Variants in MAP3K6 observed in about 807,000 individuals in gnomAD.
MAP3K6 encodes the protein mitogen-activated protein kinase kinase kinase 6.
Under a neutral mutation model 147.1 loss-of-function variants are expected in MAP3K6, and 105 were observed. The observed-to-expected ratio is 0.71, with a 90% CI of 0.61 to 0.84. The LOEUF is 0.84. Ranked by LOEUF, MAP3K6 falls within the 40% of genes least tolerant of loss-of-function variation. The probability of loss-of-function intolerance (pLI) is 0.00; values close to 1 mark genes in which losing one functional copy is unlikely to be tolerated. For missense variants in MAP3K6, 1,569 were observed against 1,715.0 expected, an observed-to-expected ratio of 0.91 and a Z score of 1.50; for synonymous variants, 695 against 732.4, an observed-to-expected ratio of 0.95 and a Z score of 0.82.
At position 27,361,184 on chromosome 1, in the gene MAP3K6, C is replaced by T. The variant is rs371872831; in HGVS notation, c.1805G>A (p.Cys602Tyr). The T allele has an allele frequency of 1.2e-6, 2 of 1,612,338 alleles. No individual in the cohort carries two copies. The highest frequency in any genetic ancestry group is 1.7e-6 in the Non-Finnish European group (2 of 1,179,574). The change falls in exon 13 of 29, where the codon TGC becomes TAC. Residue 602 changes from cysteine (C) to tyrosine (Y), a missense_variant. Physicochemically the swap from Cys to Tyr is radical, Grantham distance 194. Transcript: ENST00000357582. ...ALPPAQDVQL[C>Y]FPSVGHCQWF... is the part of the protein sequence containing the mutation. Reference sequence around the variant, plus strand: ...CTGGCAGTGCCCTACGCTGGGGAAGCACAGCTGGACGTCCTGAGCCGGGGG... The same window carrying T: ...CTGGCAGTGCCCTACGCTGGGGAAGTACAGCTGGACGTCCTGAGCCGGGGG...
intron 8 of MAP3K6, among the ~76,000 whole-genome samples, 186 bp downstream of exon 8, chr1:27,362,455 T>C (rs1340827960): frequency 6.6e-6 from 1 of 152,002 alleles, no homozygotes; most frequent in Non-Finnish European, 1.5e-5. Context: ...TTTGGGAACA[T>C]TTGTGGGTTT....
chr1:27,359,709 C>T lies in MAP3K6; in HGVS notation c.2319+149G>A, dbSNP rs2015671212. ...GTTTGGCTTCAGAGCTGAACCTTTC[C>T]CCTCCTTCTCTAAGGAGCCTCCCTG... On this transcript the variant is annotated intron_variant, in intron 17 of 28. Coordinates refer to ENST00000357582, the MANE Select transcript of MAP3K6 (RefSeq NM_004672.5). The surrounding 1 kb of genome is among the most constrained non-coding windows in gnomAD (Gnocchi z 4.4). The T allele has an allele frequency of 7.2e-7, 1 of 1,387,574 alleles. No individual in the cohort carries two copies. Among genetic ancestry groups the T allele is most frequent in the African/African-American group, 1.4e-5 (1 of 69,526 alleles). The allele number at this position is 1,387,574 out of a possible 1,614,324, so 86.0% of individuals were successfully genotyped here. A position where few individuals can be genotyped will look rare whatever the true frequency, so the allele number is the denominator to read the frequency against.
In MAP3K6 at chr1:27,366,225, G is replaced by A; in HGVS notation, c.340+33C>T. 2 of 1,285,138 alleles carry A rather than the reference G, an allele frequency of 1.6e-6. No individual in the cohort carries two copies. The highest frequency in any genetic ancestry group is 2.0e-6 in the Non-Finnish European group (2 of 1,017,628). 79.6% of individuals were successfully genotyped at this position (1,285,138 alleles called of 1,614,324 possible). On this transcript the variant is annotated intron_variant, in intron 1 of 28. Transcript: ENST00000357582. The surrounding 1 kb of genome is among the most constrained non-coding windows in gnomAD (Gnocchi z 5.5). ...GTCCCCTCCCAGGACCCTGAGTCCC[G>A]CCCGGATCCGGCCCCGCCCCCAGCG...
At chr1:27,356,953 C>T (rs762389023) in intron 24 of MAP3K6, 56 bp downstream of exon 24, 34 of 1,563,828 alleles carry the variant, frequency 2.2e-5, no homozygotes, top group Non-Finnish European at 2.9e-5. Flanking sequence ...ATGTTCACCG[C>T]GCCCAGCAAG....
chr1:27,366,607 C>T lies in MAP3K6; in HGVS notation c.-10G>A. The T allele has an allele frequency of 9.3e-7, 1 of 1,077,968 alleles. No individual in the cohort carries two copies. Among genetic ancestry groups the T allele is most frequent in the Non-Finnish European group, 1.1e-6 (1 of 890,192 alleles). The allele number at this position is 1,077,968 out of a possible 1,614,324, so 66.8% of individuals were successfully genotyped here. A position where few individuals can be genotyped will look rare whatever the true frequency, so the allele number is the denominator to read the frequency against. ...GACACGGCCCCGCCATGCGGGGGCG[C>T]TCAGGCGCGGGGCGCCGCGCACTGG... On this transcript the variant is annotated 5_prime_UTR_variant, in exon 1 of 29. Transcript: ENST00000357582. The surrounding 1 kb of genome is among the most constrained non-coding windows in gnomAD (Gnocchi z 5.5).
At position 27,366,484 on chromosome 1, in the gene MAP3K6, G is replaced by T. The variant is rs185490294; in HGVS notation, c.114C>A (p.Gly38=). 9.7e-3 allele frequency: 10,631 copies of T among 1,098,932 alleles called. 773 individuals carry two copies. The African/African-American group carries it at 0.16, about 16-fold the overall frequency. The allele number at this position is 1,098,932 out of a possible 1,614,324, so 68.1% of individuals were successfully genotyped here. A position where few individuals can be genotyped will look rare whatever the true frequency, so the allele number is the denominator to read the frequency against. ...CGCTGAGCGGCCGGCTCCGCGCGCA[G>T]CCCCGGCCCGGGGGCGCCGCGAGCT... ...GRQLAAPPGR[G]CARSRPLSVV... Residue 38 remains glycine, a synonymous_variant, in exon 1 of 29, where the codon GGC becomes GGA. Transcript: ENST00000357582. The surrounding 1 kb of genome is among the most constrained non-coding windows in gnomAD (Gnocchi z 5.5).
Position 27,358,788 on chromosome 1 carries a change from A to G in MAP3K6, c.2504T>C (p.Leu835Pro). ...GGCCATCTCAATGACAGTGCAGCCC[A>G]GTGACCAGATGTCAGCTGCTTTCCC... ...GYGKAADIWS[L>P]GCTVIEMATG... Residue 835 changes from leucine to proline, a missense_variant, in exon 19 of 29, where the codon CTG becomes CCG. Transcript: ENST00000357582. This position sits in a 1 kb window ranked among gnomAD's most constrained non-coding sequence, Gnocchi z 6.2. The G allele has an allele frequency of 1.2e-6, 2 of 1,613,656 alleles. No homozygotes were observed. The highest frequency in any genetic ancestry group is 2.2e-5 in the South Asian group (2 of 91,036).
At chr1:27,356,283 C>A in intron 26 of MAP3K6, 105 bp downstream of exon 26, 1 of 1,208,844 alleles carries the variant, frequency 8.3e-7, no homozygotes, top group Non-Finnish European at 1.2e-6. Context: ...CCCGCCAAGG[C>A]CCGCTCAGGT....
Position 27,356,488 on chromosome 1 carries a change from G to T in MAP3K6, c.3537C>A (p.Ile1179=), listed in dbSNP as rs2015527260. 1 of 1,613,826 alleles carries T rather than the reference G, an allele frequency of 6.2e-7. No homozygotes were observed. The highest frequency in any genetic ancestry group is 1.7e-5 in the Admixed American group (1 of 59,976). The stretch of plus-strand genomic sequence containing the variant: ...GGTACTCCCGTTCCTTCCCCGCCAG[G>T]ATTTCGCGCAGCCTGTGGGGCGCAG... ...LRAETDRLRE[I]LAGKEREYQA... is the part of the protein sequence containing the mutation. Residue 1179 remains isoleucine, a synonymous_variant, in exon 26 of 29, where the codon ATC becomes ATA. Coordinates refer to ENST00000357582, the MANE Select transcript of MAP3K6 (RefSeq NM_004672.5).
chr1:27,365,191 G>T (rs2015932855), intron 1 of MAP3K6, among the ~76,000 whole-genome samples: 1 of 152,210 alleles, frequency 6.6e-6, no homozygotes, highest in Admixed American at 6.5e-5. Context: ...CTGTGGACCA[G>T]TTGAGTCTGT....
intron 6 of MAP3K6, 143 bp downstream of exon 6, chr1:27,363,299 A>G (rs1377352031): frequency 1.4e-6 from 1 of 723,856 alleles, no homozygotes; most frequent in Middle Eastern, 3.1e-4. Flanking sequence ...ACTCAGAACA[A>G]CAGGGACCTA....
intron 22 of MAP3K6, 51 bp downstream of exon 22, chr1:27,357,660 G>A (rs1557556185): frequency 1.9e-6 from 3 of 1,595,016 alleles, no homozygotes; most frequent in East Asian, 2.2e-5. Context: ...GACATCAACA[G>A]GTGTCCTGAC....
At chr1:27,355,810 C>T (rs1363378166) in intron 27 of MAP3K6, 65 bp from the exon 28 acceptor site, 11 of 1,483,062 alleles carry the variant, frequency 7.4e-6, no homozygotes, top group African/African-American at 1.4e-5. Flanking sequence ...GTGTCGAGAC[C>T]CAGGTACTAG....
In MAP3K6 at chr1:27,362,095, T is replaced by C; in HGVS notation, c.1411A>G (p.Ile471Val). Residue 471 changes from isoleucine to valine, a missense_variant, in exon 9 of 29, where the codon ATA (isoleucine) becomes GTA (valine). By Grantham distance (29) the Ile-to-Val change is conservative. Transcript: ENST00000357582. Reference sequence around the variant, plus strand: ...AATGCAGAGGGGGCCACCTACCATATGGGGGCATTGAGCTTATACAGCTGC... The same window carrying C: ...AATGCAGAGGGGGCCACCTACCATACGGGGGCATTGAGCTTATACAGCTGC... The part of the protein sequence containing the change: ...AEQLYKLNAP[I>V]WYLVSVMETF... 6.2e-7 allele frequency: 1 copy of C among 1,610,008 alleles called. No homozygotes were observed. The highest frequency in any genetic ancestry group is 8.5e-7 in the Non-Finnish European group (1 of 1,177,778).
chr1:27,361,961 TG>T, intron 9 of MAP3K6, 94 bp from the exon 10 acceptor site: 1 of 1,501,838 alleles, frequency 6.7e-7, no homozygotes, highest in East Asian at 2.3e-5. Context: ...AACGTTGGCA[TG>T]GGGTGCCACG....
At chr1:27,356,814 AGTGCGGGGGTAGG>A in intron 24 of MAP3K6, 65 bp from the exon 25 acceptor site, 1 of 1,513,128 alleles carries the variant, frequency 6.6e-7, no homozygotes, top group Non-Finnish European at 8.9e-7. Flanking sequence ...CAGACCCCAA[AGTGCGGGGGTAGG>A]GTGCCCGGCT....
rs552779451 is a variant in MAP3K6, at chr1:27,357,617, A to G, written c.3082-41T>C. 23 of 1,592,326 alleles carry G rather than the reference A, an allele frequency of 1.4e-5. No individual in the cohort carries two copies. The South Asian group carries it at 2.1e-4, about 15-fold the overall frequency. Reference sequence around the variant, plus strand: ...GGGGTTGTCAGCGAGTGCTCCAGCCAAAAGAGACGCTGCCGCGGAGGTAGG... The same window carrying G: ...GGGGTTGTCAGCGAGTGCTCCAGCCGAAAGAGACGCTGCCGCGGAGGTAGG... On this transcript the variant is annotated intron_variant, in intron 22 of 28. Transcript: ENST00000357582.
Position 27,364,240 on chromosome 1 carries a change from A to G in MAP3K6, c.659T>C (p.Leu220Pro), listed in dbSNP as rs761087163. The G allele has an allele frequency of 6.2e-7, 1 of 1,613,034 alleles. No homozygotes were observed. The highest frequency in any genetic ancestry group is 1.1e-5 in the South Asian group (1 of 91,062). ...GGGTGTGGCCTCCAGCAGGCGGGCA[A>G]GCCGGCCCACCAGGGGAGTGAGCAG... ...EALLTPLVGR[L>P]ARLLEATPTD... Residue 220 changes from leucine (L) to proline (P), a missense_variant, in exon 4 of 29, where the codon CTT becomes CCT. Coordinates refer to ENST00000357582, the MANE Select transcript of MAP3K6 (RefSeq NM_004672.5). The surrounding 1 kb of genome is among the most constrained non-coding windows in gnomAD (Gnocchi z 4.4).
Position 27,356,023 on chromosome 1 carries a change from C to T in MAP3K6, c.3711+3G>A. On this transcript the variant is annotated splice_donor_region_variant and intron_variant, in intron 27 of 28. Coordinates refer to ENST00000357582, the MANE Select transcript of MAP3K6 (RefSeq NM_004672.5). ...AGGGATAGCCAAGCACTCCCCGACT[C>T]ACCATTTGGATGGTGCCTGAATCCA... The T allele has an allele frequency of 6.2e-7, 1 of 1,614,094 alleles. No homozygotes were observed. The highest frequency in any genetic ancestry group is 1.1e-5 in the South Asian group (1 of 91,070).
Sources: gnomAD v4.1 joint callset for allele counts (sites outside exome capture counted in the v4.1 genomes callset) on GRCh38, gnomAD v4.1.1 for gene constraint, Gnocchi (gnomAD v3.1) non-coding constraint, MANE v1.5 for transcripts, NCBI Gene and HGNC (gene_info 2026-07-23, HGNC 2026-07-21) for gene names.